Variants in IL18RAP observed in about 807,000 individuals in gnomAD.
IL18RAP encodes interleukin-18 receptor accessory protein.
Under a neutral mutation model 58.1 loss-of-function variants are expected in IL18RAP, and 37 were observed. The observed-to-expected ratio is 0.64, with a 90% CI of 0.49 to 0.84. The LOEUF is 0.84. Ranked by LOEUF, IL18RAP falls within the 40% of genes least tolerant of loss-of-function variation. The pLI is 0.00. For missense variants in IL18RAP, 667 were observed against 704.8 expected, an observed-to-expected ratio of 0.95 and a Z score of 0.61; for synonymous variants, 268 against 257.5, an observed-to-expected ratio of 1.04 and a Z score of -0.39.
At chr2:102,429,353 G>A (rs1338589758) in intron 3 of IL18RAP, among the ~76,000 whole-genome samples, 1 of 151,768 alleles carries the variant, frequency 6.6e-6, no homozygotes, top group Non-Finnish European at 1.5e-5. Context: ...TCATTTTATT[G>A]GCATATAATT....
chr2:102,451,615 G>C, intron 9 of IL18RAP, 151 bp from the exon 10 acceptor site: 1 of 653,202 alleles, frequency 1.5e-6, no homozygotes, highest in Non-Finnish European at 2.6e-6. Flanking sequence ...ACACTGGAGC[G>C]TATCTCCAAC....
chr2:102,439,669 G>GT (rs1356565312), intron 4 of IL18RAP: 1 of 152,270 alleles, frequency 6.6e-6, no homozygotes, highest in Non-Finnish European at 1.5e-5. Context: ...AATCAAGGAT[G>GT]TTTTTTGTTT....
rs761809887 is a variant in IL18RAP, at chr2:102,451,842, T to C, written c.1461T>C (p.Asn487=). The C allele has an allele frequency of 1.2e-6, 2 of 1,614,112 alleles. No individual in the cohort carries two copies. The highest frequency in any genetic ancestry group is 1.7e-6 in the Non-Finnish European group (2 of 1,179,928). Residue 487 remains asparagine, a synonymous_variant, in exon 10 of 10, where the codon AAT becomes AAC. Coordinates refer to ENST00000687160, the MANE Select transcript of IL18RAP (RefSeq NM_001393487.1). ...GIFILSPNYV[N]GPSIFELQAA... is the part of the protein sequence containing the mutation. Reference sequence around the variant, plus strand: ...TTATCTTGAGCCCCAACTATGTCAATGGACCCAGTATCTTTGAACTACAAG... The same window carrying C: ...TTATCTTGAGCCCCAACTATGTCAACGGACCCAGTATCTTTGAACTACAAG...
At chr2:102,429,898 T>A (rs952342108) in intron 3 of IL18RAP, among the ~76,000 whole-genome samples, 1 of 152,070 alleles carries the variant, frequency 6.6e-6, no homozygotes, top group African/African-American at 2.4e-5. Flanking sequence ...GTTTTTAGAT[T>A]TCTACCTTTA....
intron 7 of IL18RAP, among the ~76,000 whole-genome samples, chr2:102,445,567 C>A (rs763878669): frequency 1.3e-5 from 2 of 152,176 alleles, no homozygotes; most frequent in Admixed American, 1.3e-4. Flanking sequence ...TAATAGTCTG[C>A]GTTTGGGAGG....
chr2:102,425,638 G>T (rs112334673), intron 3 of IL18RAP, among the ~76,000 whole-genome samples: 33 of 151,702 alleles, frequency 2.2e-4, no homozygotes, highest in East Asian at 1.6e-3. Flanking sequence ...ACTTCCTTTG[G>T]TTCAAAGTAT....
chr2:102,420,618 C>T (rs555959313), upstream of IL18RAP, among the ~76,000 whole-genome samples: 22 of 152,216 alleles, frequency 1.4e-4, no homozygotes, highest in Middle Eastern at 0.017. Flanking sequence ...ACATAAATTG[C>T]GGGATGGTAG....
chr2:102,421,861 T>C (rs185424318), upstream of IL18RAP, among the ~76,000 whole-genome samples: 98 of 152,208 alleles, frequency 6.4e-4, 1 homozygote, highest in Non-Finnish European at 1.3e-3. Flanking sequence ...TTGTCCAAGA[T>C]TAATCTCCCC....
At chr2:102,448,099 G>C (rs1190758851) in intron 8 of IL18RAP, among the ~76,000 whole-genome samples, 1 of 152,202 alleles carries the variant, frequency 6.6e-6, no homozygotes, top group Non-Finnish European at 1.5e-5. Flanking sequence ...GACTATGGCT[G>C]TTTCTTGAGG....
At chr2:102,451,687 A>G (rs1683776001) in intron 9 of IL18RAP, 79 bp from the exon 10 acceptor site, 27 of 1,170,814 alleles carry the variant, frequency 2.3e-5, no homozygotes, top group Non-Finnish European at 3.2e-5. Context: ...CTCCTTATGT[A>G]AGAGAATCCA....
upstream of IL18RAP, among the ~76,000 whole-genome samples, chr2:102,419,163 G>A (rs1681420467): frequency 6.6e-6 from 1 of 152,080 alleles, no homozygotes; most frequent in Admixed American, 6.5e-5. Flanking sequence ...CCCGTTTAAA[G>A]TGCTTTGAGC....
chr2:102,432,908 T>C (rs1385997852), intron 3 of IL18RAP, among the ~76,000 whole-genome samples: 2 of 152,244 alleles, frequency 1.3e-5, no homozygotes, highest in Middle Eastern at 3.2e-3. Flanking sequence ...AAAATAGCCT[T>C]GGCATAAACA....
chr2:102,419,989 G>A (rs1189849894), upstream of IL18RAP, among the ~76,000 whole-genome samples: 2 of 152,234 alleles, frequency 1.3e-5, no homozygotes, highest in South Asian at 2.1e-4. Flanking sequence ...AATAAATGAT[G>A]TACTCTGCAT....
rs1336822009 is a variant in IL18RAP, at chr2:102,424,366, T to G, written c.531T>G (p.Ser177Arg). 1.2e-6 allele frequency: 2 copies of G among 1,614,040 alleles called. No homozygotes were observed. Among genetic ancestry groups the G allele is most frequent in the South Asian group, 1.1e-5 (1 of 91,084 alleles). ...GCACTGGCTCTATTTCTTGCCCCAG[T>G]CTCAGCTGCCAAAGTGATGCACAAA... ...LGSTGSISCP[S>R]LSCQSDAQSP... The change falls in exon 3 of 10, where the codon AGT becomes AGG. Residue 177 changes from serine (S) to arginine (R), a missense_variant. Coordinates refer to ENST00000687160, the MANE Select transcript of IL18RAP (RefSeq NM_001393487.1).
chr2:102,446,491 T>TA, intron 7 of IL18RAP, among the ~76,000 whole-genome samples: 1 of 152,278 alleles, frequency 6.6e-6, no homozygotes, highest in East Asian at 1.9e-4. Context: ...GTCCGTTGTA[T>TA]TATTCTTATG....
chr2:102,424,461 G>T, intron 3 of IL18RAP, 47 bp downstream of exon 3: 1 of 1,513,442 alleles, frequency 6.6e-7, no homozygotes, highest in Non-Finnish European at 9.1e-7. Flanking sequence ...TGTTTTTATG[G>T]TATCTTCTTC....
upstream of IL18RAP, chr2:102,419,367 C>T (rs187209734): frequency 6.6e-6 from 1 of 152,340 alleles, no homozygotes; most frequent in Non-Finnish European, 1.5e-5. Flanking sequence ...AATACTGTCA[C>T]TATTACACGA....
At chr2:102,426,934 A>G (rs923426144) in intron 3 of IL18RAP, among the ~76,000 whole-genome samples, 2 of 152,074 alleles carry the variant, frequency 1.3e-5, no homozygotes, top group East Asian at 3.8e-4. Context: ...TCAAGCCTCC[A>G]TAATCATCAT....
At position 102,441,341 on chromosome 2, in the gene IL18RAP, C is replaced by T. The variant is rs754745551; in HGVS notation, c.760C>T (p.Leu254=). The change falls in exon 5 of 10, where the codon CTG becomes TTG. Residue 254 remains leucine, a synonymous_variant. Transcript: ENST00000687160. ...AGACACTAAACTCAAACCAGATATT[C>T]TGGATCCTGTCGAGGACACACTGGA... The part of the protein sequence containing the change: ...VGDTKLKPDI[L]DPVEDTLEVE... The T allele has an allele frequency of 6.2e-7, 1 of 1,613,472 alleles. No homozygotes were observed. The highest frequency in any genetic ancestry group is 2.2e-5 in the East Asian group (1 of 44,858).
Sources: allele counts gnomAD v4.1 joint callset (sites outside exome capture counted in the v4.1 genomes callset), GRCh38; gene constraint gnomAD v4.1.1; transcripts MANE v1.5; gene names NCBI Gene and HGNC (gene_info 2026-07-23, HGNC 2026-07-21).